Variants in ACSS3 observed in about 807,000 individuals in gnomAD.
ACSS3 encodes acyl-CoA synthetase short chain family member 3.
A neutral mutation model predicts 84.2 loss-of-function variants in ACSS3; 64 were observed. That is an observed-to-expected ratio of 0.76 (90% CI 0.62 to 0.94). ACSS3 has a LOEUF of 0.94. ACSS3 is among the 40% of genes least tolerant of loss of function. The pLI is 0.00. For missense variants in ACSS3, 815 were observed against 867.6 expected (o/e 0.94, Z 0.76); for synonymous variants, 317 against 310.1 (o/e 1.02, Z -0.23).
chr12:81,168,808 C>T (rs1296761932), intron 7 of ACSS3, among the ~76,000 whole-genome samples: 1 of 152,132 alleles, frequency 6.6e-6, no homozygotes, highest in African/African-American at 2.4e-5. Context: ...GGATTTAGCT[C>T]ATTTATTTAT....
chr12:81,101,104 GC>G (rs1204307524), intron 1 of ACSS3, among the ~76,000 whole-genome samples: 4 of 152,062 alleles, frequency 2.6e-5, no homozygotes, highest in African/African-American at 9.7e-5. Flanking sequence ...AAAGGCAGAA[GC>G]AAAATTTTTA....
At chr12:81,196,101 A>G (rs544648772) in intron 8 of ACSS3, among the ~76,000 whole-genome samples, 11 of 152,354 alleles carry the variant, frequency 7.2e-5, no homozygotes, top group Admixed American at 5.2e-4. Context: ...CCACACATGT[A>G]CATGCATACA....
chr12:81,247,301 GTTATTA>G (rs950968384), intron 13 of ACSS3, among the ~76,000 whole-genome samples: 2 of 151,994 alleles, frequency 1.3e-5, no homozygotes, highest in Non-Finnish European at 2.9e-5. Context: ...TGTATGCATA[GTTATTA>G]TTATTAGTCA....
At chr12:81,232,715 T>C (rs2033506161) in intron 12 of ACSS3, among the ~76,000 whole-genome samples, 1 of 151,778 alleles carries the variant, frequency 6.6e-6, no homozygotes, top group South Asian at 2.1e-4. Flanking sequence ...CCAGGATTTG[T>C]ACTGAAGTCC....
intron 9 of ACSS3, among the ~76,000 whole-genome samples, chr12:81,213,984 T>TTTCTTTCC (rs1484821724): frequency 2.4e-5 from 1 of 42,254 alleles, no homozygotes; most frequent in African/African-American, 5.3e-5. Flanking sequence ...TCTTTCTTTC[T>TTTCTTTCC]TTCTTTCTTT....
At chr12:81,246,909 C>G (rs946025628) in intron 13 of ACSS3, among the ~76,000 whole-genome samples, 1 of 152,028 alleles carries the variant, frequency 6.6e-6, no homozygotes, top group Non-Finnish European at 1.5e-5. Flanking sequence ...CTATAGCAAA[C>G]GTGCTTATGT....
rs2034329683 is a variant in ACSS3, at chr12:81,257,138, T to C, written c.*2216T>C. 5 of 152,142 alleles carry C rather than the reference T, an allele frequency of 3.3e-5. No homozygotes were observed. The highest frequency in any genetic ancestry group is 3.3e-4 in the Admixed American group (5 of 15,248). The allele number at this position is 152,142 out of a possible 1,614,324, so 9.4% of individuals were successfully genotyped here. On this transcript the variant is annotated 3_prime_UTR_variant, in exon 16 of 16. Coordinates refer to ENST00000548058, the MANE Select transcript of ACSS3 (RefSeq NM_024560.4). Reference sequence around the variant, plus strand: ...CATCTTTGGTCCTCTTGCACATTTTTTCTGGTAATCAAATCTGAAGCGACA... The same window carrying C: ...CATCTTTGGTCCTCTTGCACATTTTCTCTGGTAATCAAATCTGAAGCGACA...
At chr12:81,222,516 C>T (rs2033144842) in intron 11 of ACSS3, among the ~76,000 whole-genome samples, 1 of 152,088 alleles carries the variant, frequency 6.6e-6, no homozygotes, top group African/African-American at 2.4e-5. Flanking sequence ...TCACATATTC[C>T]AATGGCTGCC....
rs189585718 is a variant in ACSS3 at position 81,255,866 on chromosome 12, C to T, written c.*944C>T. 1.3e-5 allele frequency: 2 copies of T among 152,302 alleles called. No homozygotes were observed. The highest frequency in any genetic ancestry group is 2.9e-5 in the Non-Finnish European group (2 of 68,038). The allele number at this position is 152,302 out of a possible 1,614,324, so 9.4% of individuals were successfully genotyped here. ...AAGAGATCATTTAGTCCAATCTCTT[C>T]ATGGAGATGAGGGCTCCTGGGAGCC... On this transcript the variant is annotated 3_prime_UTR_variant, in exon 16 of 16. Coordinates refer to ENST00000548058, the MANE Select transcript of ACSS3 (RefSeq NM_024560.4).
Position 81,219,999 on chromosome 12 carries a change from A to T in ACSS3, c.1451-14A>T, listed in dbSNP as rs770673167. On this transcript the variant is annotated splice_polypyrimidine_tract_variant and intron_variant, in intron 10 of 15. Transcript: ENST00000548058. ...TATGAATTTTTATTCAAATATTTAT[A>T]TTTTACTTTGTAGTTATGATTTTGG... is the stretch of plus-strand genomic sequence containing the variant. The T allele has an allele frequency of 1.4e-6, 2 of 1,462,318 alleles. 1 individual carries two copies. The highest frequency in any genetic ancestry group is 2.9e-5 in the South Asian group (2 of 68,426). 90.6% of individuals were successfully genotyped at this position (1,462,318 alleles called of 1,614,324 possible).
At chr12:81,211,966 A>G (rs1207997822) in intron 9 of ACSS3, among the ~76,000 whole-genome samples, 1 of 152,040 alleles carries the variant, frequency 6.6e-6, no homozygotes, top group Non-Finnish European at 1.5e-5. Context: ...CGACCTCAGG[A>G]CCTCTGAACT....
intron 9 of ACSS3, among the ~76,000 whole-genome samples, chr12:81,208,376 A>G (rs898794661): frequency 6.6e-6 from 1 of 152,266 alleles, no homozygotes; most frequent in South Asian, 2.1e-4. Context: ...ACTTGCCACC[A>G]CATCTTCCTC....
At position 81,257,230 on chromosome 12, in the gene ACSS3, G is replaced by A. The variant is rs2034333433; in HGVS notation, c.*2308G>A. On this transcript the variant is annotated 3_prime_UTR_variant, in exon 16 of 16. Transcript: ENST00000548058. ...ATGGAAAACAGTGCTGGAGACTGGG[G>A]AAGTGGCTATTTCCTGTGTCTCACT... is the stretch of plus-strand genomic sequence containing the variant. 6.6e-6 allele frequency: 1 copy of A among 152,098 alleles called. No homozygotes were observed. Among genetic ancestry groups the A allele is most frequent in the African/African-American group, 2.4e-5 (1 of 41,428 alleles). 9.4% of individuals were successfully genotyped at this position (152,098 alleles called of 1,614,324 possible).
intron 8 of ACSS3, among the ~76,000 whole-genome samples, chr12:81,177,681 G>C (rs1393820024): frequency 6.6e-6 from 1 of 152,098 alleles, no homozygotes; most frequent in Non-Finnish European, 1.5e-5. Flanking sequence ...CTCCAAAGAA[G>C]ACATTTATGC....
rs371749873 is a variant in ACSS3 at position 81,109,869 on chromosome 12, T to C, written c.456+165T>C. On this transcript the variant is annotated intron_variant, in intron 2 of 15. Transcript: ENST00000548058. ...ATGAATACAGATGTGTTAACTCATG[T>C]AGACAGTTTTTATAGCCTTCAATTT... Among the ~76,000 whole-genome samples the C allele has an allele frequency of 5.3e-5, 8 of 152,360 alleles. No individual in the cohort carries two copies. The East Asian group carries it at 7.7e-4, about 15-fold the overall frequency.
At position 81,233,432 on chromosome 12, in the gene ACSS3, T is replaced by C. The variant is rs1307191012; in HGVS notation, c.1680T>C (p.Asn560=). 1 of 1,611,170 alleles carries C rather than the reference T, an allele frequency of 6.2e-7. No individual in the cohort carries two copies. The highest frequency in any genetic ancestry group is 1.3e-5 in the African/African-American group (1 of 74,808). The change falls in exon 13 of 16, where the codon AAT becomes AAC. Residue 560 remains asparagine, a synonymous_variant. Coordinates refer to ENST00000548058, the MANE Select transcript of ACSS3 (RefSeq NM_024560.4). The stretch of plus-strand genomic sequence containing the variant: ...TGTCTCGAGTGGATGATGTAATAAA[T>C]GTTGCAGGTCACAGAATTTCTGCAG... ...YVMSRVDDVI[N]VAGHRISAGA...
At chr12:81,116,390 T>G (rs17736448) in intron 2 of ACSS3, among the ~76,000 whole-genome samples, 53,320 of 151,960 alleles carry the variant, frequency 0.35, 11,857 homozygotes, top group Non-Finnish European at 0.5. Flanking sequence ...CTAAAGATTA[T>G]TTCATACTCA....
chr12:81,134,966 G>T lies in ACSS3; in HGVS notation c.607G>T (p.Ala203Ser), dbSNP rs772070509. The T allele has an allele frequency of 1.9e-6, 3 of 1,605,184 alleles. No homozygotes were observed. The highest frequency in any genetic ancestry group is 2.6e-6 in the Non-Finnish European group (3 of 1,175,052). ...CCACAGTCTCATATTTGGAGGATTT[G>T]CTTCCAAAGAACTAAGTAGTCGCAT... ...AIHSLIFGGF[A>S]SKELSSRIDH... Residue 203 changes from alanine to serine, a missense_variant, in exon 3 of 16, where the codon GCT becomes TCT. Physicochemically the swap from Ala to Ser is moderately conservative, Grantham distance 99. Coordinates refer to ENST00000548058, the MANE Select transcript of ACSS3 (RefSeq NM_024560.4).
chr12:81,199,146 A>G (rs2031983500), intron 8 of ACSS3, among the ~76,000 whole-genome samples, 195 bp from the exon 9 acceptor site: 1 of 152,202 alleles, frequency 6.6e-6, no homozygotes, highest in Admixed American at 6.5e-5. Flanking sequence ...CCTCACTCCA[A>G]TTCTGTGATG....
Sources: gnomAD v4.1 joint callset for allele counts (sites outside exome capture counted in the v4.1 genomes callset) on GRCh38, gnomAD v4.1.1 for gene constraint, MANE v1.5 for transcripts, NCBI Gene and HGNC (gene_info 2026-07-23, HGNC 2026-07-21) for gene names.